Variants in RASA2 observed in about 807,000 individuals in gnomAD.
The protein encoded by RASA2 is RAS p21 protein activator 2.
Under a neutral mutation model 118.2 loss-of-function variants are expected in RASA2, and 155 were observed. The ratio of observed to expected loss-of-function variants is 1.31; its 90% confidence interval spans 1.15 to 1.50. The LOEUF (loss-of-function observed/expected upper bound fraction) is 1.50, where lower values mean the gene tolerates loss of function less well. Ranked by LOEUF, RASA2 falls within the 40% of genes most tolerant of loss-of-function variation. The pLI, the probability that RASA2 is intolerant of heterozygous loss-of-function variation, is 0.00. For synonymous variants in RASA2, 353 were observed against 349.1 expected, an observed-to-expected ratio of 1.01 and a Z score of -0.12; for missense variants, 1,016 against 1,009.6, an observed-to-expected ratio of 1.01 and a Z score of -0.09.
intron 9 of RASA2, among the ~76,000 whole-genome samples, chr3:141,564,045 C>T (rs1388289881): frequency 6.6e-6 from 1 of 150,556 alleles, no homozygotes; most frequent in African/African-American, 2.4e-5. Flanking sequence ...AAAGAAAATC[C>T]AAGGAAACAA....
intron 5 of RASA2, among the ~76,000 whole-genome samples, chr3:141,552,578 T>A (rs1175624818): frequency 6.6e-6 from 1 of 152,208 alleles, no homozygotes; most frequent in Non-Finnish European, 1.5e-5. Flanking sequence ...ATTTTGAGGT[T>A]TAGCCTGAGA....
intron 5 of RASA2, among the ~76,000 whole-genome samples, chr3:141,552,322 T>A (rs2082587080): frequency 6.6e-6 from 1 of 152,146 alleles, no homozygotes. Context: ...AATATTGTAT[T>A]TGGGGGCACA....
Position 141,608,585 on chromosome 3 carries a change from C to T in RASA2, c.2113C>T (p.Arg705Ter), listed in dbSNP as rs773436247. The T allele has an allele frequency of 6.2e-6, 10 of 1,613,766 alleles. No homozygotes were observed. Among genetic ancestry groups the T allele is most frequent in the South Asian group, 1.1e-5 (1 of 91,088 alleles). ...GATAGACGTACTCTGCAGGGTGAGC[C>T]GATGCAATCAAAACAGGCTCAGTTT... ...EWIDVLCRVSRCNQNRLSFYH... is the reference protein window; with the variant it reads ...EWIDVLCRVS The change falls in exon 21 of 24, where the codon CGA becomes TGA. Residue 705 changes from arginine to a stop codon, truncating the protein, a stop_gained. Coordinates refer to ENST00000286364, the MANE Select transcript of RASA2 (RefSeq NM_006506.5). LOFTEE classifies it high-confidence loss of function.
At chr3:141,597,827 G>A (rs2083397645) in intron 19 of RASA2, among the ~76,000 whole-genome samples, 1 of 151,038 alleles carries the variant, frequency 6.6e-6, no homozygotes. Context: ...TGCCTAGAAA[G>A]ACTGATAAAA....
intron 1 of RASA2, among the ~76,000 whole-genome samples, chr3:141,499,146 A>C (rs2081743490): frequency 6.6e-6 from 1 of 152,228 alleles, no homozygotes; most frequent in African/African-American, 2.4e-5. Flanking sequence ...ATATGATAGC[A>C]GTGTAGATAA....
chr3:141,598,946 G>T (rs1021015982), intron 19 of RASA2, among the ~76,000 whole-genome samples: 2 of 151,938 alleles, frequency 1.3e-5, no homozygotes, highest in African/African-American at 4.8e-5. Context: ...AAATCAGCTG[G>T]GCGTCGTGGT....
At chr3:141,551,890 A>G (rs2151112300) in intron 5 of RASA2, among the ~76,000 whole-genome samples, 1 of 152,260 alleles carries the variant, frequency 6.6e-6, no homozygotes, top group African/African-American at 2.4e-5. Flanking sequence ...CAAATTCCTT[A>G]TTGAGGTTAT....
intron 22 of RASA2, 57 bp from the exon 23 acceptor site, chr3:141,609,820 A>G (rs1208329365): frequency 5.6e-6 from 8 of 1,434,168 alleles, no homozygotes; most frequent in Non-Finnish European, 7.4e-6. Context: ...TGTACTACAT[A>G]TTGCATTTAT....
chr3:141,561,947 T>TG (rs964890044), intron 9 of RASA2, among the ~76,000 whole-genome samples: 53 of 151,748 alleles, frequency 3.5e-4, no homozygotes, highest in South Asian at 6.2e-4. Flanking sequence ...CTTTTTTTTG[T>TG]GGGGGGGCGG....
At chr3:141,583,718 G>A (rs558302871) in intron 17 of RASA2, among the ~76,000 whole-genome samples, 1 of 152,150 alleles carries the variant, frequency 6.6e-6, no homozygotes, top group Non-Finnish European at 1.5e-5. Flanking sequence ...TCTGAGCTCT[G>A]GCAGGCAATT....
chr3:141,537,773 A>G (rs998740361), intron 4 of RASA2, among the ~76,000 whole-genome samples: 6 of 151,530 alleles, frequency 4.0e-5, no homozygotes, highest in Non-Finnish European at 8.8e-5. Flanking sequence ...TGTCTCAAAG[A>G]AAAAAAAAGC....
At chr3:141,542,124 C>T (rs2082413949) in intron 5 of RASA2, among the ~76,000 whole-genome samples, 1 of 150,674 alleles carries the variant, frequency 6.6e-6, no homozygotes, top group Non-Finnish European at 1.5e-5. Context: ...AGAATATTTG[C>T]ATGATTTCAA....
intron 5 of RASA2, among the ~76,000 whole-genome samples, chr3:141,547,895 G>A (rs1191546131): frequency 4.6e-5 from 7 of 152,072 alleles, no homozygotes; most frequent in Admixed American, 4.6e-4. Flanking sequence ...TTATTATGAA[G>A]GACTGTTGAA....
At chr3:141,585,101 A>G (rs1282564642) in intron 17 of RASA2, among the ~76,000 whole-genome samples, 1 of 152,198 alleles carries the variant, frequency 6.6e-6, no homozygotes, top group African/African-American at 2.4e-5. Context: ...CCTCTGAGCC[A>G]TACTTTGGTG....
In RASA2 at chr3:141,559,942, T is replaced by C; in HGVS notation, c.810T>C (p.Gly270=). The C allele has an allele frequency of 6.2e-7, 1 of 1,610,082 alleles. No homozygotes were observed. The highest frequency in any genetic ancestry group is 8.5e-7 in the Non-Finnish European group (1 of 1,176,578). ...ACCTAGTCCAAGATGTTTTCCTAGG[T>C]GAGATTAAGGTTCCTGTGAACGTAT... The part of the protein sequence containing the change: ...NGNLVQDVFL[G]EIKVPVNVLR... The change falls in exon 9 of 24, where the codon GGT becomes GGC. Residue 270 remains glycine, a synonymous_variant. Transcript: ENST00000286364.
At chr3:141,593,967 T>C (rs1209015494) in intron 19 of RASA2, among the ~76,000 whole-genome samples, 1 of 152,094 alleles carries the variant, frequency 6.6e-6, no homozygotes. Flanking sequence ...AGGCGATCAG[T>C]AGAAGTAGAC....
chr3:141,500,353 GT>G (rs1279092072), intron 1 of RASA2, among the ~76,000 whole-genome samples: 1 of 152,150 alleles, frequency 6.6e-6, no homozygotes, highest in Non-Finnish European at 1.5e-5. Flanking sequence ...ATTCAGAACT[GT>G]TAAAGATAAA....
intron 9 of RASA2, among the ~76,000 whole-genome samples, chr3:141,568,433 C>T (rs1483973839): frequency 6.6e-6 from 1 of 151,714 alleles, no homozygotes; most frequent in Non-Finnish European, 1.5e-5. Context: ...AGGTAGTTAA[C>T]AGGTTCCTAA....
chr3:141,564,151 T>G (rs2082781363), intron 9 of RASA2, among the ~76,000 whole-genome samples: 1 of 152,174 alleles, frequency 6.6e-6, no homozygotes, highest in South Asian at 2.1e-4. Context: ...AGCACTACCC[T>G]AATTCCTCTA....
Sources: allele counts gnomAD v4.1 joint callset (sites outside exome capture counted in the v4.1 genomes callset), GRCh38; gene constraint gnomAD v4.1.1; transcripts MANE v1.5; gene names NCBI Gene and HGNC (gene_info 2026-07-23, HGNC 2026-07-21).